Variants in CFAP20DC observed in about 807,000 individuals in gnomAD.
CFAP20DC encodes CFAP20 domain containing.
In CFAP20DC, 84 loss-of-function variants were observed where a neutral mutation model predicts 101.7. The observed-to-expected ratio is 0.83, with a 90% confidence interval of 0.69 to 0.99. CFAP20DC has a LOEUF of 0.99. CFAP20DC is among the 50% of genes least tolerant of loss of function. CFAP20DC has a pLI of 0.00. For synonymous variants in CFAP20DC, 359 were observed against 351.2 expected (o/e 1.02, Z -0.25); for missense variants, 1,007 against 970.3 (o/e 1.04, Z -0.50).
At chr3:58,978,088 T>C (rs141142687) in intron 4 of CFAP20DC, among the ~76,000 whole-genome samples, 52 of 152,278 alleles carry the variant, frequency 3.4e-4, no homozygotes, top group Non-Finnish European at 6.6e-4. Flanking sequence ...AAGGCCTGCA[T>C]AGCTCTTTGT....
At chr3:58,818,172 G>A (rs1405945919) in intron 14 of CFAP20DC, among the ~76,000 whole-genome samples, 2 of 151,658 alleles carry the variant, frequency 1.3e-5, no homozygotes, top group Admixed American at 1.3e-4. Context: ...ACCGGTACCA[G>A]CCGCTGCAAA....
intron 15 of CFAP20DC, among the ~76,000 whole-genome samples, chr3:58,797,463 A>G (rs542808149): frequency 9.9e-5 from 15 of 152,284 alleles, no homozygotes; most frequent in African/African-American, 3.6e-4. Flanking sequence ...GAGGTAAGGA[A>G]GCTGGAGAAT....
At chr3:58,785,577 G>GA (rs1335789025) in intron 15 of CFAP20DC, among the ~76,000 whole-genome samples, 7 of 151,536 alleles carry the variant, frequency 4.6e-5, no homozygotes, top group South Asian at 2.1e-4. Context: ...GTTTAAAACA[G>GA]AAAAAAAACT....
intron 6 of CFAP20DC, among the ~76,000 whole-genome samples, chr3:58,890,538 A>G (rs1293436766): frequency 5.2e-4 from 66 of 128,146 alleles, no homozygotes; most frequent in Middle Eastern, 5.3e-3. Context: ...CTCACCTCCC[A>G]GACGGGGCGG....
intron 4 of CFAP20DC, among the ~76,000 whole-genome samples, chr3:58,983,354 T>A (rs1183868057): frequency 2.0e-5 from 3 of 152,214 alleles, no homozygotes; most frequent in Non-Finnish European, 4.4e-5. Context: ...TCATTTTAAT[T>A]CTATAGATTA....
Position 58,912,955 on chromosome 3 carries a change from C to T in CFAP20DC, c.550+753G>A, listed in dbSNP as rs1287625476. On this transcript the variant is annotated intron_variant, in intron 6 of 16. Transcript: ENST00000482387. The surrounding 1 kb of genome is among the most constrained non-coding windows in gnomAD (Gnocchi z 4.4). ...TTGAATGCCCAACATCTTTTGCACA[C>T]CCTTCCTAATTTGATGACTTTCCCA... Among the ~76,000 whole-genome samples the T allele has an allele frequency of 1.3e-5, 2 of 152,044 alleles. 1 individual carries two copies. Among genetic ancestry groups the T allele is most frequent in the Middle Eastern group, 6.3e-3 (2 of 316 alleles).
intron 15 of CFAP20DC, among the ~76,000 whole-genome samples, chr3:58,767,657 G>C (rs2070444112): frequency 6.6e-6 from 1 of 152,196 alleles, no homozygotes. Flanking sequence ...GCCTCCCAAA[G>C]TGTTGGGATT....
chr3:58,895,590 T>C (rs1472004865), intron 6 of CFAP20DC, among the ~76,000 whole-genome samples: 1 of 152,236 alleles, frequency 6.6e-6, no homozygotes, highest in Non-Finnish European at 1.5e-5. Context: ...AGTTCTAAAC[T>C]TTCCCACATT....
intron 13 of CFAP20DC, among the ~76,000 whole-genome samples, chr3:58,838,248 G>C (rs939122441): frequency 3.3e-5 from 5 of 150,012 alleles, no homozygotes; most frequent in Admixed American, 3.3e-4. Flanking sequence ...TTGCTATATT[G>C]AGTTACATAG....
At position 58,724,912 on chromosome 3, in the gene CFAP20DC, G is replaced by T. The variant is rs940524596; in HGVS notation, c.198-7284C>A. Reference sequence around the variant, plus strand: ...ACAGATTAGTGGAGCATTGCCAGGGGAGTCCCAGAAAGAGCTGAGCAACAC... The same window carrying T: ...ACAGATTAGTGGAGCATTGCCAGGGTAGTCCCAGAAAGAGCTGAGCAACAC... On this transcript the variant is annotated intron_variant, in intron 3 of 3. Transcript: ENST00000486145. The surrounding 1 kb of genome is among the most constrained non-coding windows in gnomAD (Gnocchi z 5.6). Among the ~76,000 whole-genome samples the T allele has an allele frequency of 2.0e-5, 3 of 152,184 alleles. No individual in the cohort carries two copies. Among genetic ancestry groups the T allele is most frequent in the Admixed American group, 6.5e-5 (1 of 15,276 alleles).
chr3:58,968,002 G>A (rs1207183156), intron 4 of CFAP20DC, among the ~76,000 whole-genome samples: 1 of 152,148 alleles, frequency 6.6e-6, no homozygotes, highest in Non-Finnish European at 1.5e-5. Context: ...AAAGATAATA[G>A]CCTCCAGCTC....
intron 5 of CFAP20DC, among the ~76,000 whole-genome samples, chr3:58,926,383 G>A: frequency 1.3e-5 from 2 of 150,486 alleles, no homozygotes; most frequent in East Asian, 2.0e-4. Context: ...AAAAGAAGAA[G>A]AAGAAGAAAA....
chr3:58,853,838 A>T (rs1414349900), intron 12 of CFAP20DC, among the ~76,000 whole-genome samples: 1 of 152,052 alleles, frequency 6.6e-6, no homozygotes, highest in Non-Finnish European at 1.5e-5. Context: ...CATATTTCAA[A>T]ATAATAAGAG....
intron 6 of CFAP20DC, among the ~76,000 whole-genome samples, chr3:58,891,279 CGGCGCGTGCCTGCAATGGCA>C (rs2082226047): frequency 6.6e-6 from 1 of 151,448 alleles, no homozygotes; most frequent in Admixed American, 6.6e-5. Context: ...TCAGGCGTGG[CGGCGCGTGCCTGCAATGGCA>C]GGCACTCTGC....
rs144648741 is a variant in CFAP20DC, at chr3:58,998,422, C to T, written c.278+41135G>A. Among the ~76,000 whole-genome samples the T allele has an allele frequency of 1.3e-4, 20 of 152,148 alleles. 1 individual carries two copies. The highest frequency in any genetic ancestry group is 3.4e-3 in the Middle Eastern group (1 of 294). ...CTCATGGGATTAAACTATATGACAC[C>T]CACCCATACAGTACTTAGCATAGAA... On this transcript the variant is annotated intron_variant, in intron 4 of 16. Transcript: ENST00000482387.
At chr3:58,900,542 T>C (rs1386035211) in intron 6 of CFAP20DC, among the ~76,000 whole-genome samples, 1 of 152,240 alleles carries the variant, frequency 6.6e-6, no homozygotes, top group Admixed American at 6.5e-5. Context: ...GGACTGTGTA[T>C]GGAAACATAC....
chr3:59,031,507 T>C (rs1560022106), intron 4 of CFAP20DC, among the ~76,000 whole-genome samples: 1 of 152,236 alleles, frequency 6.6e-6, no homozygotes, highest in Non-Finnish European at 1.5e-5. Context: ...GAAAATGCTT[T>C]TTCTGCAGAA....
chr3:58,784,433 G>A (rs1008562000), intron 15 of CFAP20DC, among the ~76,000 whole-genome samples: 3 of 151,924 alleles, frequency 2.0e-5, no homozygotes, highest in Non-Finnish European at 2.9e-5. Context: ...CAGTACCTGC[G>A]TAATGGGATC....
chr3:58,942,278 G>T (rs2088714345), intron 4 of CFAP20DC, among the ~76,000 whole-genome samples: 1 of 152,194 alleles, frequency 6.6e-6, no homozygotes, highest in Non-Finnish European at 1.5e-5. Flanking sequence ...AATGATATGT[G>T]CCAGCAGATG....
Sources: gnomAD v4.1 joint callset for allele counts (sites outside exome capture counted in the v4.1 genomes callset) on GRCh38, gnomAD v4.1.1 for gene constraint, Gnocchi (gnomAD v3.1) non-coding constraint, MANE v1.5 for transcripts, NCBI Gene and HGNC (gene_info 2026-07-23, HGNC 2026-07-21) for gene names.